PDE1C: variants seen among roughly 807,000 people sequenced by gnomAD.
PDE1C encodes the protein phosphodiesterase 1C.
PDE1C carries 62 observed loss-of-function variants against 93.1 expected under a neutral mutation model. That is an observed-to-expected ratio of 0.67 (90% confidence interval 0.54 to 0.82). The LOEUF (loss-of-function observed/expected upper bound fraction) is 0.82. Ranked by LOEUF, PDE1C falls within the 40% of genes least tolerant of loss-of-function variation. The pLI is 0.00. For synonymous variants in PDE1C, 325 were observed against 310.1 expected, an observed-to-expected ratio of 1.05 and a Z score of -0.50; for missense variants, 742 against 884.6, an observed-to-expected ratio of 0.84 and a Z score of 2.04.
At chr7:32,404,356 C>G (rs181592672) in intron 1 of PDE1C, among the ~76,000 whole-genome samples, 1 of 152,024 alleles carries the variant, frequency 6.6e-6, no homozygotes, top group East Asian at 1.9e-4. Flanking sequence ...TTGTTTTTGT[C>G]TTTGTTTTGG....
At chr7:32,232,368 C>T (rs772361650) in intron 1 of PDE1C, among the ~76,000 whole-genome samples, 10 of 152,142 alleles carry the variant, frequency 6.6e-5, no homozygotes, top group Non-Finnish European at 1.0e-4. Context: ...CACCTTAGCA[C>T]CTAGCAGACT....
intron 1 of PDE1C, among the ~76,000 whole-genome samples, chr7:32,391,857 T>A (rs927426799): frequency 2.0e-5 from 3 of 151,992 alleles, no homozygotes; most frequent in African/African-American, 7.2e-5. Context: ...GAGGAAAATG[T>A]ATAGCTTTAA....
intron 3 of PDE1C, among the ~76,000 whole-genome samples, chr7:32,082,870 G>A (rs2128738335): frequency 6.6e-6 from 1 of 151,514 alleles, no homozygotes; most frequent in South Asian, 2.1e-4. Flanking sequence ...CATCATCAAA[G>A]ACCAAAAGTA....
At chr7:31,731,045 C>T in the PDE1C span, among the ~76,000 whole-genome samples, 13,468 of 151,616 alleles carry the variant, frequency 0.089, 864 homozygotes, top group East Asian at 0.36. Flanking sequence ...GGGGCGGGTT[C>T]CCAAGCTACG....
chr7:32,285,887 A>G (rs1238889347), intron 1 of PDE1C, among the ~76,000 whole-genome samples: 3 of 152,160 alleles, frequency 2.0e-5, no homozygotes, highest in East Asian at 3.9e-4. Flanking sequence ...AGCGTTTGCC[A>G]ACCCCTCCCC....
At chr7:32,421,512 C>G (rs1785431913) in intron 1 of PDE1C, among the ~76,000 whole-genome samples, 1 of 152,240 alleles carries the variant, frequency 6.6e-6, no homozygotes, top group African/African-American at 2.4e-5. Flanking sequence ...GAGATCAATA[C>G]AATTTCCATT....
chr7:32,398,411 C>CA (rs1168120307), intron 1 of PDE1C, among the ~76,000 whole-genome samples: 1 of 150,492 alleles, frequency 6.6e-6, no homozygotes, highest in Non-Finnish European at 1.5e-5. Flanking sequence ...TCTTTTGAGA[C>CA]AGAGTCTTGC....
chr7:32,214,103 T>C (rs1213710337), intron 1 of PDE1C, among the ~76,000 whole-genome samples: 1 of 152,218 alleles, frequency 6.6e-6, no homozygotes, highest in Admixed American at 6.5e-5. Flanking sequence ...TGTATGTATA[T>C]GTGTGTATGT....
intron 1 of PDE1C, among the ~76,000 whole-genome samples, chr7:32,403,658 A>G (rs2128096095): frequency 6.6e-6 from 1 of 152,338 alleles, no homozygotes; most frequent in African/African-American, 2.4e-5. Flanking sequence ...TTCTCCAATC[A>G]TCCTAAAACT....
chr7:31,897,254 A>G (rs1175738278), intron 2 of PDE1C, among the ~76,000 whole-genome samples: 1 of 152,242 alleles, frequency 6.6e-6, no homozygotes, highest in African/African-American at 2.4e-5. Context: ...CATGGATTCA[A>G]TGAACTTGAC....
intron 2 of PDE1C, among the ~76,000 whole-genome samples, chr7:32,208,200 C>T (rs866333561): frequency 7.3e-5 from 11 of 151,416 alleles, no homozygotes; most frequent in Admixed American, 3.3e-4. Context: ...TCAATCCCAA[C>T]GTTTCAAAGC....
upstream of PDE1C, among the ~76,000 whole-genome samples, chr7:32,303,999 G>C (rs1812939143): frequency 6.6e-6 from 1 of 152,208 alleles, no homozygotes; most frequent in African/African-American, 2.4e-5. Context: ...ACTTTCTGCA[G>C]TGGGGGTGAG....
chr7:31,931,412 G>C (rs1207614249), intron 2 of PDE1C, among the ~76,000 whole-genome samples: 1 of 152,156 alleles, frequency 6.6e-6, no homozygotes, highest in African/African-American at 2.4e-5. Flanking sequence ...ACATCAATGT[G>C]CAAAAATCAT....
exon 1 of PDE1C, chr7:32,428,123 C>G (rs1014050691): frequency 6.6e-6 from 1 of 152,380 alleles, no homozygotes; most frequent in Non-Finnish European, 1.5e-5. Context: ...CGGAGGAGAC[C>G]GAGCCCATCT....
intron 1 of PDE1C, among the ~76,000 whole-genome samples, chr7:32,263,350 G>A (rs566835010): frequency 6.6e-6 from 1 of 151,304 alleles, no homozygotes; most frequent in African/African-American, 2.4e-5. Flanking sequence ...TACATGTGCG[G>A]GTGTGTGTGT....
chr7:31,876,745 TA>T (rs1219891914), intron 5 of PDE1C, among the ~76,000 whole-genome samples: 2 of 152,180 alleles, frequency 1.3e-5, no homozygotes, highest in Non-Finnish European at 2.9e-5. Flanking sequence ...GGCATCAGAT[TA>T]GGGGTTAAAG....
the PDE1C span, chr7:31,655,833 G>A: frequency 5.1e-6 from 5 of 985,574 alleles, no homozygotes; most frequent in Non-Finnish European, 6.0e-6. Flanking sequence ...CTCTCCTGCA[G>A]TTTCTTCCTT....
intron 1 of PDE1C, among the ~76,000 whole-genome samples, chr7:32,214,101 T>C (rs913773279): frequency 1.3e-5 from 2 of 152,208 alleles, no homozygotes; most frequent in African/African-American, 2.4e-5. Context: ...TGTGTATGTA[T>C]ATGTGTGTAT....
intron 1 of PDE1C, among the ~76,000 whole-genome samples, chr7:32,358,881 T>TTGTGTGTGTGTGTCTGTGTG (rs573579133): frequency 1.9e-4 from 28 of 147,568 alleles, no homozygotes; most frequent in Non-Finnish European, 3.1e-4. Context: ...TCATCTAACA[T>TTGTGTGTGTGTGTCTGTGTG]TGTGTGTGTG....
Sources: allele counts gnomAD v4.1 joint callset (sites outside exome capture counted in the v4.1 genomes callset), GRCh38; gene constraint gnomAD v4.1.1; transcripts MANE v1.5; gene names NCBI Gene and HGNC (gene_info 2026-07-23, HGNC 2026-07-21).